ADAMTS16: variants seen among roughly 807,000 people sequenced by gnomAD.
The protein encoded by ADAMTS16 is ADAM metallopeptidase with thrombospondin type 1 motif 16, also known as A disintegrin and metalloproteinase with thrombospondin motifs 16.
ADAMTS16 carries 94 observed loss-of-function variants against 145.8 expected under a neutral mutation model. That is an observed-to-expected ratio of 0.64 (90% CI 0.55 to 0.77). ADAMTS16 has a LOEUF of 0.77. ADAMTS16 is among the 30% of genes least tolerant of loss of function. The pLI is 0.00. For missense variants in ADAMTS16, 1,585 were observed against 1,591.5 expected (o/e 1.00, Z 0.07); for synonymous variants, 659 against 604.3 (o/e 1.09, Z -1.33).
intron 3 of ADAMTS16, 117 bp downstream of exon 3, chr5:5,146,572 T>A: frequency 1.8e-6 from 2 of 1,120,922 alleles, no homozygotes; most frequent in South Asian, 1.6e-5. Context: ...GCAGCGCAGA[T>A]TAAGCAGGAG....
intron 17 of ADAMTS16, among the ~76,000 whole-genome samples, chr5:5,244,818 A>G (rs1342319939): frequency 6.6e-6 from 1 of 152,218 alleles, no homozygotes; most frequent in East Asian, 1.9e-4. Context: ...AATATCAGCA[A>G]TGAGGAGACG....
intron 3 of ADAMTS16, among the ~76,000 whole-genome samples, chr5:5,175,188 A>T (rs1735153012): frequency 6.6e-6 from 1 of 152,136 alleles, no homozygotes. Flanking sequence ...ACTGCTGATT[A>T]TTCCAGGCCC....
At chr5:5,168,775 T>C (rs113633281) in intron 3 of ADAMTS16, among the ~76,000 whole-genome samples, 18,866 of 141,626 alleles carry the variant, frequency 0.13, 1,439 homozygotes, top group Middle Eastern at 0.26. Flanking sequence ...TATTATATTT[T>C]ATTATAGATA....
chr5:5,303,872 A>C (rs1473489244), intron 20 of ADAMTS16, 106 bp downstream of exon 20: 2 of 1,305,402 alleles, frequency 1.5e-6, no homozygotes, highest in African/African-American at 1.5e-5. Context: ...CTCCCCTTAT[A>C]TCTCTTCTTG....
At chr5:5,152,001 T>C (rs145397618) in intron 3 of ADAMTS16, among the ~76,000 whole-genome samples, 1 of 152,354 alleles carries the variant, frequency 6.6e-6, no homozygotes, top group Non-Finnish European at 1.5e-5. Flanking sequence ...CATATAGTAT[T>C]TGTCTTTCTG....
In ADAMTS16 at chr5:5,269,836, C is replaced by T. The variant is rs144510278; in HGVS notation, c.2789+7053C>T. ...CTTCTACACTTGACTCTCTCAAACA[C>T]GGTTTAATACACACATGCTGTCAAG... is the stretch of plus-strand genomic sequence containing the variant. On this transcript the variant is annotated intron_variant, in intron 18 of 22. Transcript: ENST00000274181. This position sits in a 1 kb window ranked among gnomAD's most constrained non-coding sequence, Gnocchi z 4.3. 1.6e-4 allele frequency among the ~76,000 whole-genome samples: 24 copies of T among 152,186 alleles called. No individual in the cohort carries two copies. The highest frequency in any genetic ancestry group is 3.4e-3 in the Middle Eastern group (1 of 294).
Position 5,242,084 on chromosome 5 carries a change from C to A in ADAMTS16, c.2555C>A (p.Ala852Asp). The A allele has an allele frequency of 2.5e-6, 4 of 1,614,128 alleles. No homozygotes were observed. Among genetic ancestry groups the A allele is most frequent in the Non-Finnish European group, 3.4e-6 (4 of 1,180,014 alleles). The change falls in exon 17 of 23, where the codon GCC (alanine) becomes GAC (aspartate). Residue 852 changes from alanine to aspartate, a missense_variant. Physicochemically the swap from Ala to Asp is moderately radical, Grantham distance 126 (BLOSUM62 -2). This residue lies in a region of ADAMTS16 where 834 missense variants were observed against 811.7 expected (regional missense o/e 1.03). Coordinates refer to ENST00000274181, the MANE Select transcript of ADAMTS16 (RefSeq NM_139056.4). Reference protein sequence around the residue: ...LLFQGRNPGVAWEYSMPRLGT... With the variant: ...LLFQGRNPGVDWEYSMPRLGT... ...TTTCAGGGAAGGAACCCGGGTGTTG[C>A]CTGGGAATACTCCATGCCTCGCTTG... is the stretch of plus-strand genomic sequence containing the variant.
At chr5:5,147,441 G>T (rs1284050201) in intron 3 of ADAMTS16, among the ~76,000 whole-genome samples, 1 of 152,136 alleles carries the variant, frequency 6.6e-6, no homozygotes, top group African/African-American at 2.4e-5. Context: ...TTGTGTGTGT[G>T]AATTTTGGAT....
chr5:5,195,257 T>G (rs1735770715), intron 8 of ADAMTS16, among the ~76,000 whole-genome samples: 1 of 152,230 alleles, frequency 6.6e-6, no homozygotes, highest in Non-Finnish European at 1.5e-5. Context: ...CCTGGTTATG[T>G]TAAATCACTT....
intron 21 of ADAMTS16, among the ~76,000 whole-genome samples, chr5:5,314,016 G>A (rs538085322): frequency 1.3e-5 from 2 of 152,330 alleles, no homozygotes; most frequent in South Asian, 4.1e-4. Flanking sequence ...GTTTGAGGGA[G>A]TTTATATTTG....
rs558050852 is a variant in ADAMTS16 at position 5,216,621 on chromosome 5, T to C, written c.1606-6168T>C. 1.2e-3 allele frequency among the ~76,000 whole-genome samples: 186 copies of C among 151,910 alleles called. 3 individuals carry two copies. In the Middle Eastern group the frequency reaches 0.024, roughly 19 times the overall value. On this transcript the variant is annotated intron_variant, in intron 10 of 22. Transcript: ENST00000274181. ...TTTTTTTTTTTCTATTTTTTTTTAT[T>C]ATACTTTAAGTTTTAGGGTACATGT...
intron 5 of ADAMTS16, among the ~76,000 whole-genome samples, chr5:5,187,277 C>T (rs1735529554): frequency 6.6e-6 from 1 of 152,210 alleles, no homozygotes; most frequent in African/African-American, 2.4e-5. Context: ...TCCATCACCT[C>T]TGATATCACC....
At chr5:5,179,483 T>A (rs905106011) in intron 3 of ADAMTS16, among the ~76,000 whole-genome samples, 1 of 152,250 alleles carries the variant, frequency 6.6e-6, no homozygotes, top group Non-Finnish European at 1.5e-5. Context: ...TGGGTAGCGT[T>A]ATACAAGGTT....
intron 4 of ADAMTS16, 74 bp downstream of exon 4, chr5:5,182,379 T>G: frequency 1.3e-6 from 2 of 1,540,290 alleles, no homozygotes; most frequent in Non-Finnish European, 1.8e-6. Flanking sequence ...CTTGTACATT[T>G]TCTTCAAAGC....
chr5:5,261,357 C>T (rs2126429219), intron 17 of ADAMTS16, among the ~76,000 whole-genome samples: 1 of 152,270 alleles, frequency 6.6e-6, no homozygotes, highest in South Asian at 2.1e-4. Flanking sequence ...AGGCTGGTCT[C>T]AAACTCCTGG....
chr5:5,215,948 G>T (rs139914347), intron 10 of ADAMTS16, among the ~76,000 whole-genome samples: 1 of 139,492 alleles, frequency 7.2e-6, no homozygotes, highest in East Asian at 2.1e-4. Flanking sequence ...TGATTGATGG[G>T]CATTTGGGTT....
At chr5:5,175,157 G>A (rs192589598) in intron 3 of ADAMTS16, among the ~76,000 whole-genome samples, 101 of 152,336 alleles carry the variant, frequency 6.6e-4, no homozygotes, top group Non-Finnish European at 7.9e-4. Flanking sequence ...CAAGGCCCAT[G>A]TCGAGTACTG....
At chr5:5,170,990 T>A (rs376895349) in intron 3 of ADAMTS16, among the ~76,000 whole-genome samples, 8 of 152,210 alleles carry the variant, frequency 5.3e-5, no homozygotes, top group African/African-American at 1.9e-4. Context: ...ATATGTCACT[T>A]CTTTGGTTAA....
At chr5:5,312,689 A>T (rs1041482470) in intron 21 of ADAMTS16, among the ~76,000 whole-genome samples, 3 of 152,122 alleles carry the variant, frequency 2.0e-5, no homozygotes, top group African/African-American at 7.2e-5. Context: ...CTCAGGTTCG[A>T]GAAGTGGATT....
Sources: gnomAD v4.1 joint callset for allele counts (sites outside exome capture counted in the v4.1 genomes callset) on GRCh38, gnomAD v4.1.1 for gene constraint, gnomAD v4.1.1 regional missense constraint, Gnocchi (gnomAD v3.1) non-coding constraint, MANE v1.5 for transcripts, NCBI Gene and HGNC (gene_info 2026-07-23, HGNC 2026-07-21) for gene names.